The following GRID2 variants were observed in gnomAD, a reference collection of about 807,000 sequenced individuals.
GRID2 encodes the protein glutamate receptor ionotropic, delta-2.
A neutral mutation model predicts 114.8 loss-of-function variants in GRID2; 33 were observed. The ratio of observed to expected loss-of-function variants is 0.29; its 90% confidence interval spans 0.22 to 0.38. The LOEUF (loss-of-function observed/expected upper bound fraction) is 0.38. Among genes scored for constraint, GRID2 ranks in the 10% least tolerant of loss-of-function variants. The pLI is 1.00. For synonymous variants in GRID2, 505 were observed against 449.9 expected, an observed-to-expected ratio of 1.12 and a Z score of -1.55; for missense variants, 1,184 against 1,257.7, an observed-to-expected ratio of 0.94 and a Z score of 0.89.
At chr4:93,213,327 A>C (rs904503506) in intron 5 of GRID2, among the ~76,000 whole-genome samples, 1 of 152,156 alleles carries the variant, frequency 6.6e-6, no homozygotes, top group Non-Finnish European at 1.5e-5. Context: ...TTGCTAAAAT[A>C]TGAAAAATAC....
At chr4:93,156,725 C>T (rs537689358) in intron 4 of GRID2, among the ~76,000 whole-genome samples, 2 of 151,808 alleles carry the variant, frequency 1.3e-5, no homozygotes, top group South Asian at 4.2e-4. Context: ...ATAAGGGATG[C>T]ACGGGAGGGA....
intron 2 of GRID2, among the ~76,000 whole-genome samples, chr4:92,997,501 T>C (rs1195883638): frequency 2.0e-5 from 3 of 152,144 alleles, no homozygotes; most frequent in African/African-American, 7.2e-5. Flanking sequence ...TTATTTTGTT[T>C]TGATAGTGTT....
chr4:93,674,750 T>C lies in GRID2; in HGVS notation c.2360+48315T>C, dbSNP rs894891613. On this transcript the variant is annotated intron_variant, in intron 14 of 15. Transcript: ENST00000282020. ...TCAGTAATCTTTTAAGAAATAAATA[T>C]ATTTTCTTTATTGCCAACAGAACAT... Among the ~76,000 whole-genome samples, 3 of 152,094 alleles carry C rather than the reference T, an allele frequency of 2.0e-5. No individual in the cohort carries two copies. In the East Asian group the frequency reaches 5.8e-4, roughly 29 times the overall value.
intron 2 of GRID2, among the ~76,000 whole-genome samples, chr4:92,776,632 A>T (rs1394136501): frequency 2.0e-5 from 3 of 152,112 alleles, no homozygotes; most frequent in East Asian, 1.9e-4. Context: ...CAAGAAAGTA[A>T]ATGTGCTGGA....
At chr4:92,552,600 C>T (rs531902050) in intron 1 of GRID2, among the ~76,000 whole-genome samples, 38 of 152,126 alleles carry the variant, frequency 2.5e-4, no homozygotes, top group South Asian at 4.1e-4. Context: ...CAGAGGAAGA[C>T]GTTCTCTTAA....
intron 1 of GRID2, among the ~76,000 whole-genome samples, chr4:92,498,699 T>A (rs1579470697): frequency 6.6e-6 from 1 of 151,858 alleles, no homozygotes; most frequent in Admixed American, 6.6e-5. Flanking sequence ...ACTTAAAACA[T>A]CTGTGAGACT....
chr4:93,253,752 T>C (rs1749245436), intron 8 of GRID2, among the ~76,000 whole-genome samples: 1 of 152,142 alleles, frequency 6.6e-6, no homozygotes, highest in Non-Finnish European at 1.5e-5. Context: ...TTCCAAATAA[T>C]TCTGAAGGAC....
chr4:92,610,750 C>G (rs1023006554), intron 2 of GRID2, among the ~76,000 whole-genome samples: 8 of 151,618 alleles, frequency 5.3e-5, no homozygotes, highest in Non-Finnish European at 1.2e-4. Context: ...TACCTTCAAG[C>G]CAACCACGAA....
intron 1 of GRID2, among the ~76,000 whole-genome samples, chr4:92,393,787 A>G (rs546576332): frequency 6.6e-6 from 1 of 152,296 alleles, no homozygotes; most frequent in Admixed American, 6.5e-5. Context: ...AACATAATAA[A>G]GCTAACTCGA....
intron 2 of GRID2, among the ~76,000 whole-genome samples, chr4:92,654,871 G>A (rs1732149790): frequency 6.6e-6 from 1 of 151,892 alleles, no homozygotes. Flanking sequence ...TCTGTTGATT[G>A]TTTCTTTTGC....
chr4:92,497,070 T>G (rs1723423360), intron 1 of GRID2, among the ~76,000 whole-genome samples: 1 of 151,724 alleles, frequency 6.6e-6, no homozygotes, highest in African/African-American at 2.4e-5. Flanking sequence ...AAAGATTACT[T>G]TTAGTCTTCT....
At chr4:92,830,934 C>T (rs1197983974) in intron 2 of GRID2, among the ~76,000 whole-genome samples, 1 of 152,162 alleles carries the variant, frequency 6.6e-6, no homozygotes, top group Non-Finnish European at 1.5e-5. Flanking sequence ...TTCAAGGCTG[C>T]CTATGTCTTT....
At chr4:92,579,536 A>C (rs1237193725) in intron 1 of GRID2, among the ~76,000 whole-genome samples, 1 of 152,000 alleles carries the variant, frequency 6.6e-6, no homozygotes, top group Non-Finnish European at 1.5e-5. Flanking sequence ...ACATAGATAC[A>C]GTTTATATAG....
chr4:92,745,614 T>G (rs537066419), intron 2 of GRID2, among the ~76,000 whole-genome samples: 1 of 152,248 alleles, frequency 6.6e-6, no homozygotes, highest in African/African-American at 2.4e-5. Context: ...ATGAAACAAC[T>G]AGATATTTAA....
At chr4:93,172,346 A>G (rs1057368181) in intron 4 of GRID2, among the ~76,000 whole-genome samples, 4 of 152,128 alleles carry the variant, frequency 2.6e-5, no homozygotes, top group Non-Finnish European at 5.9e-5. Flanking sequence ...TAATGCCAGC[A>G]CTTTGGGAGG....
chr4:92,944,897 T>G lies in GRID2; in HGVS notation c.245-140098T>G, dbSNP rs576221183. Among the ~76,000 whole-genome samples, 19 of 152,294 alleles carry G rather than the reference T, an allele frequency of 1.2e-4. No homozygotes were observed. The South Asian group carries it at 3.5e-3, about 28-fold the overall frequency. On this transcript the variant is annotated intron_variant, in intron 2 of 15. Transcript: ENST00000282020. ...ATTTTAAATGTATAGCTTCTAATGT[T>G]CTGATTATAGAACAGTTATGCATGG...
chr4:92,896,624 T>A (rs1047213428), intron 2 of GRID2, among the ~76,000 whole-genome samples: 4 of 151,880 alleles, frequency 2.6e-5, no homozygotes, highest in Non-Finnish European at 4.4e-5. Context: ...CTAATATAAC[T>A]GCTACATTGA....
At chr4:92,338,691 G>T (rs893610671) in intron 1 of GRID2, among the ~76,000 whole-genome samples, 1 of 152,000 alleles carries the variant, frequency 6.6e-6, no homozygotes, top group Non-Finnish European at 1.5e-5. Context: ...GTTCCTAAAT[G>T]TCATAAAAAC....
At chr4:93,513,158 A>G (rs931458799) in intron 12 of GRID2, among the ~76,000 whole-genome samples, 12 of 152,200 alleles carry the variant, frequency 7.9e-5, no homozygotes, top group Non-Finnish European at 1.0e-4. Flanking sequence ...CTCCAACTAT[A>G]GACCTGCAGG....
Sources: gnomAD v4.1 joint callset for allele counts (sites outside exome capture counted in the v4.1 genomes callset) on GRCh38, gnomAD v4.1.1 for gene constraint, MANE v1.5 for transcripts, NCBI Gene and HGNC (gene_info 2026-07-23, HGNC 2026-07-21) for gene names.